MTRF1: variants seen among roughly 807,000 people sequenced by gnomAD.
MTRF1 encodes mitochondrial translation release factor 1.
Under a neutral mutation model 62.9 loss-of-function variants are expected in MTRF1, and 51 were observed. The observed-to-expected ratio is 0.81, with a 90% CI of 0.65 to 1.02. The LOEUF (loss-of-function observed/expected upper bound fraction) is 1.02. MTRF1 is among the 50% of genes least tolerant of loss of function. The pLI is 0.00. For synonymous variants in MTRF1, 158 were observed against 181.9 expected (o/e 0.87, Z 1.06); for missense variants, 446 against 530.0 (o/e 0.84, Z 1.56).
chr13:41,230,881 C>G (rs1411863885), intron 7 of MTRF1, among the ~76,000 whole-genome samples: 1 of 152,028 alleles, frequency 6.6e-6, no homozygotes, highest in African/African-American at 2.4e-5. Context: ...CACTACTACA[C>G]CCAGCTAATT....
At chr13:41,263,292 T>C in intron 1 of MTRF1, 193 bp downstream of exon 1, 2 of 1,289,264 alleles carry the variant, frequency 1.6e-6, no homozygotes, top group Non-Finnish European at 2.0e-6. Context: ...CAGCACGACT[T>C]CTCCATTACC....
chr13:41,290,630 T>G, the MTRF1 span, among the ~76,000 whole-genome samples: 1 of 150,672 alleles, frequency 6.6e-6, no homozygotes, highest in Non-Finnish European at 1.5e-5. Context: ...CCTGACCTCA[T>G]GATCCGCCCA....
intron 9 of MTRF1, chr13:41,220,671 A>G (rs765077889): frequency 1.1e-5 from 12 of 1,053,650 alleles, no homozygotes; most frequent in Non-Finnish European, 1.5e-5. Context: ...GTAGGGACTC[A>G]TATCATCAGG....
In MTRF1 at chr13:41,262,436, T is replaced by C. The variant is rs563113335; in HGVS notation, c.-9+1049A>G. On this transcript the variant is annotated intron_variant, in intron 1 of 9. Coordinates refer to ENST00000379480, the MANE Select transcript of MTRF1 (RefSeq NM_004294.4). ...CTTTTGCTTGCTATTTTTTCTACTT[T>C]TCAGTGTTTTCCAAGTTTCTTGCAC... 4.6e-5 allele frequency: 7 copies of C among 152,270 alleles called. No individual in the cohort carries two copies. The South Asian group carries it at 1.5e-3, about 32-fold the overall frequency. 9.4% of individuals were successfully genotyped at this position (152,270 alleles called of 1,614,324 possible).
intron 2 of MTRF1, among the ~76,000 whole-genome samples, chr13:41,256,620 G>A (rs1050897828): frequency 5.3e-5 from 8 of 151,944 alleles, no homozygotes; most frequent in African/African-American, 1.2e-4. Flanking sequence ...CACCGCACCC[G>A]GCCTGTTGTA....
At chr13:41,250,262 C>T (rs2038898752) in intron 5 of MTRF1, among the ~76,000 whole-genome samples, 1 of 152,018 alleles carries the variant, frequency 6.6e-6, no homozygotes, top group Admixed American at 6.6e-5. Context: ...TTTTACTGTC[C>T]TCATCCTTTT....
chr13:41,311,822 C>T, the MTRF1 span, among the ~76,000 whole-genome samples: 1 of 152,242 alleles, frequency 6.6e-6, no homozygotes, highest in Non-Finnish European at 1.5e-5. Flanking sequence ...ACCCCCGCCG[C>T]GCTCTTTCCA....
At chr13:41,311,312 G>T in the MTRF1 span, 2 of 551,624 alleles carry the variant, frequency 3.6e-6, no homozygotes, top group Admixed American at 7.4e-5. Context: ...AAAAAGCGGA[G>T]CCCAGGGGAA....
upstream of MTRF1, among the ~76,000 whole-genome samples, chr13:41,266,744 A>G (rs567553361): frequency 6.6e-6 from 1 of 152,238 alleles, no homozygotes; most frequent in East Asian, 1.9e-4. Context: ...CTGTAATCCC[A>G]TCACTTTGGG....
At chr13:41,272,154 C>T in the MTRF1 span, among the ~76,000 whole-genome samples, 5 of 152,124 alleles carry the variant, frequency 3.3e-5, no homozygotes, top group Non-Finnish European at 5.9e-5. Flanking sequence ...GAGCTTGAGA[C>T]CTAAGAACAA....
chr13:41,292,310 C>A, the MTRF1 span, among the ~76,000 whole-genome samples: 1 of 152,094 alleles, frequency 6.6e-6, no homozygotes, highest in Non-Finnish European at 1.5e-5. Flanking sequence ...CTTGGCTGGG[C>A]ATGGTGGCTC....
chr13:41,287,071 A>G, the MTRF1 span, among the ~76,000 whole-genome samples: 1 of 152,204 alleles, frequency 6.6e-6, no homozygotes, highest in South Asian at 2.1e-4. Context: ...TTCAGAAGGT[A>G]TTTTGTCAAC....
At chr13:41,242,982 A>G (rs537865068) in intron 5 of MTRF1, among the ~76,000 whole-genome samples, 5 of 152,098 alleles carry the variant, frequency 3.3e-5, no homozygotes, top group Admixed American at 1.3e-4. Context: ...GCACTTTGGG[A>G]GGCCGAGGCG....
the MTRF1 span, among the ~76,000 whole-genome samples, chr13:41,276,921 A>G: frequency 1.3e-5 from 2 of 152,142 alleles, 1 homozygote; most frequent in Admixed American, 1.3e-4. Context: ...ACCCACCCAG[A>G]AGCTACTCAG....
intron 5 of MTRF1, among the ~76,000 whole-genome samples, chr13:41,248,789 G>A (rs2038632673): frequency 6.6e-6 from 1 of 152,196 alleles, no homozygotes. Context: ...GAGGGCTGGG[G>A]AGATAATGCA....
intron 5 of MTRF1, among the ~76,000 whole-genome samples, chr13:41,250,375 C>T (rs779035999): frequency 3.8e-4 from 58 of 152,148 alleles, no homozygotes; most frequent in Admixed American, 9.8e-4. Context: ...TCTCTATAGA[C>T]TCTCCCTCAC....
intron 7 of MTRF1, among the ~76,000 whole-genome samples, chr13:41,227,082 A>C (rs1229767922): frequency 6.6e-6 from 1 of 152,140 alleles, no homozygotes; most frequent in Non-Finnish European, 1.5e-5. Context: ...CAAGGTCAGG[A>C]GATCACGACC....
intron 9 of MTRF1, among the ~76,000 whole-genome samples, chr13:41,219,829 T>C (rs1847216936): frequency 6.6e-6 from 1 of 151,190 alleles, no homozygotes; most frequent in South Asian, 2.1e-4. Flanking sequence ...GGAAACCCCG[T>C]TTCTACTAAA....
Position 41,254,548 on chromosome 13 carries a change from AT to A in MTRF1, c.487del (p.Ile163SerfsTer25). ...LEERQTIDQK[I>X]NMLYNELFQS... ...ACCTACCTCATTGTACAACATGTTGATTTTTTGATCAATGGTTTGCCTTTCT... is the reference window on the plus strand; with the variant it reads ...ACCTACCTCATTGTACAACATGTTGATTTTTGATCAATGGTTTGCCTTTCT... On this transcript the variant is annotated frameshift_variant, in exon 3 of 10. Coordinates refer to ENST00000379480, the MANE Select transcript of MTRF1 (RefSeq NM_004294.4). LOFTEE classifies it high-confidence loss of function. 1 of 1,613,542 alleles carries A rather than the reference AT, an allele frequency of 6.2e-7. No homozygotes were observed. Among genetic ancestry groups the A allele is most frequent in the Non-Finnish European group, 8.5e-7 (1 of 1,179,664 alleles).
Sources: allele counts gnomAD v4.1 joint callset (sites outside exome capture counted in the v4.1 genomes callset), GRCh38; gene constraint gnomAD v4.1.1; transcripts MANE v1.5; gene names NCBI Gene and HGNC (gene_info 2026-07-23, HGNC 2026-07-21).